The following SCMH1 variants were observed in gnomAD, a reference collection of about 807,000 sequenced individuals.
The protein encoded by SCMH1 is polycomb protein SCMH1.
SCMH1 carries 37 observed loss-of-function variants against 70.8 expected under a neutral mutation model. That is an observed-to-expected ratio of 0.52 (90% confidence interval 0.40 to 0.69). SCMH1 has a LOEUF of 0.69. Ranked by LOEUF, SCMH1 falls within the 30% of genes least tolerant of loss-of-function variation. The pLI is 0.00. For missense variants in SCMH1, 607 were observed against 827.3 expected (o/e 0.73, Z 3.27); for synonymous variants, 292 against 307.4 (o/e 0.95, Z 0.52).
intron 8 of SCMH1, among the ~76,000 whole-genome samples, chr1:41,084,215 G>T (rs1323172472): frequency 2.6e-5 from 4 of 152,104 alleles, no homozygotes; most frequent in Non-Finnish European, 5.9e-5. Context: ...GAAAATTTTC[G>T]CAACCTATTC....
chr1:41,041,772 A>G (rs941108917), intron 12 of SCMH1, among the ~76,000 whole-genome samples: 1 of 152,202 alleles, frequency 6.6e-6, no homozygotes, highest in Non-Finnish European at 1.5e-5. Context: ...GACCAGGATG[A>G]CAACTGGAAA....
intron 6 of SCMH1, among the ~76,000 whole-genome samples, chr1:41,140,333 C>T (rs1038577541): frequency 1.3e-5 from 2 of 151,790 alleles, no homozygotes; most frequent in African/African-American, 4.8e-5. Flanking sequence ...CAGTCTGTTG[C>T]CCAGGCTGGA....
intron 13 of SCMH1, 127 bp downstream of exon 13, chr1:41,037,235 C>T: frequency 2.2e-6 from 2 of 912,372 alleles, no homozygotes; most frequent in Admixed American, 5.5e-5. Flanking sequence ...AGAGTAAGTC[C>T]AGTCCCTAGT....
chr1:41,229,763 G>C (rs1000153894), intron 1 of SCMH1, among the ~76,000 whole-genome samples: 4 of 152,012 alleles, frequency 2.6e-5, no homozygotes, highest in African/African-American at 9.7e-5. Flanking sequence ...AGATTGGCAA[G>C]ACCCCTGCCC....
intron 4 of SCMH1, among the ~76,000 whole-genome samples, chr1:41,160,100 C>A (rs193046129): frequency 1.3e-4 from 20 of 151,924 alleles, no homozygotes; most frequent in Non-Finnish European, 2.4e-4. Flanking sequence ...TGTCACTGGG[C>A]AATGGAAAGT....
intron 1 of SCMH1, among the ~76,000 whole-genome samples, chr1:41,222,049 G>A (rs1434185019): frequency 6.6e-6 from 1 of 151,724 alleles, no homozygotes; most frequent in Admixed American, 6.6e-5. Flanking sequence ...GCAGCATTAA[G>A]TCAAAGAGAT....
intron 8 of SCMH1, among the ~76,000 whole-genome samples, chr1:41,091,976 C>T (rs1027852508): frequency 1.3e-5 from 2 of 152,112 alleles, no homozygotes; most frequent in Non-Finnish European, 2.9e-5. Flanking sequence ...CAATGCCATC[C>T]CCATCAAGCT....
At chr1:41,035,138 C>CA (rs1253089601) in intron 13 of SCMH1, among the ~76,000 whole-genome samples, 1 of 152,200 alleles carries the variant, frequency 6.6e-6, no homozygotes, top group Non-Finnish European at 1.5e-5. Flanking sequence ...ACCATTATAT[C>CA]ACAAAGTTCT....
intron 1 of SCMH1, among the ~76,000 whole-genome samples, chr1:41,235,813 G>A (rs1372971810): frequency 6.6e-6 from 1 of 152,006 alleles, no homozygotes; most frequent in Non-Finnish European, 1.5e-5. Flanking sequence ...ACATAAGTAT[G>A]CCTCCCTAAA....
intron 1 of SCMH1, among the ~76,000 whole-genome samples, chr1:41,230,617 C>T (rs781123110): frequency 4.6e-5 from 7 of 151,328 alleles, no homozygotes; most frequent in Non-Finnish European, 1.0e-4. Flanking sequence ...ATGATCGCAT[C>T]ACTGCACTCC....
intron 8 of SCMH1, among the ~76,000 whole-genome samples, chr1:41,085,477 T>C (rs1478083145): frequency 2.6e-5 from 4 of 152,164 alleles, no homozygotes. Context: ...ACCTACTAGC[T>C]CCACTAATAT....
At chr1:41,137,534 G>C (rs755788697) in intron 6 of SCMH1, among the ~76,000 whole-genome samples, 1 of 152,134 alleles carries the variant, frequency 6.6e-6, no homozygotes, top group Non-Finnish European at 1.5e-5. Flanking sequence ...GTCTTGCCTT[G>C]AAAGAGCTGT....
intron 10 of SCMH1, among the ~76,000 whole-genome samples, chr1:41,069,707 T>C (rs1288357811): frequency 6.6e-6 from 1 of 152,174 alleles, no homozygotes; most frequent in Non-Finnish European, 1.5e-5. Context: ...GGAAGTGATA[T>C]CAAAGTCACA....
exon 15 of SCMH1, chr1:41,027,389 T>C (rs1643939805): frequency 6.6e-6 from 1 of 152,304 alleles, no homozygotes; most frequent in African/African-American, 2.4e-5. Context: ...GGCCTGATTT[T>C]CTTCGACAGC....
At chr1:41,099,953 C>T (rs1034375133) in intron 8 of SCMH1, among the ~76,000 whole-genome samples, 2 of 152,092 alleles carry the variant, frequency 1.3e-5, no homozygotes, top group Non-Finnish European at 2.9e-5. Context: ...TAGTACTAAA[C>T]AGGAGAAAAA....
intron 10 of SCMH1, among the ~76,000 whole-genome samples, chr1:41,069,810 C>T (rs1022481705): frequency 5.9e-5 from 9 of 152,180 alleles, no homozygotes; most frequent in Admixed American, 4.6e-4. Context: ...CATCTTCTAT[C>T]GGTTATGGGA....
intron 9 of SCMH1, among the ~76,000 whole-genome samples, chr1:41,072,780 C>T (rs966531791): frequency 1.3e-5 from 2 of 152,032 alleles, no homozygotes; most frequent in Admixed American, 6.6e-5. Context: ...GTGGGAGGAT[C>T]GCTTGAGCCC....
intron 8 of SCMH1, among the ~76,000 whole-genome samples, chr1:41,103,266 C>T (rs944360539): frequency 4.0e-5 from 6 of 151,770 alleles, no homozygotes; most frequent in African/African-American, 1.2e-4. Flanking sequence ...TAAGTTGCTA[C>T]GATTACAGGC....
At chr1:41,189,951 GAGA>G (rs1031030449) in intron 1 of SCMH1, among the ~76,000 whole-genome samples, 221 of 152,310 alleles carry the variant, frequency 1.5e-3, no homozygotes, top group African/African-American at 5.1e-3. Flanking sequence ...TTCTTGAACA[GAGA>G]AGAAGTTCAG....
Sources: allele counts gnomAD v4.1 joint callset (sites outside exome capture counted in the v4.1 genomes callset), GRCh38; gene constraint gnomAD v4.1.1; transcripts MANE v1.5; gene names NCBI Gene and HGNC (gene_info 2026-07-23, HGNC 2026-07-21).